The following SPATS2L variants were observed in gnomAD, a reference collection of about 807,000 sequenced individuals.
SPATS2L encodes the protein SPATS2-like protein.
In SPATS2L, 30 loss-of-function variants were observed where a neutral mutation model predicts 59.6. The observed-to-expected ratio is 0.50, with a 90% CI of 0.38 to 0.68. The LOEUF is 0.68. Ranked by LOEUF, SPATS2L falls within the 30% of genes least tolerant of loss-of-function variation. SPATS2L has a pLI of 0.00. For missense variants in SPATS2L, 615 were observed against 700.0 expected (o/e 0.88, Z 1.37); for synonymous variants, 252 against 263.5 (o/e 0.96, Z 0.42).
intron 3 of SPATS2L, among the ~76,000 whole-genome samples, chr2:200,407,459 A>G (rs1288508560): frequency 6.6e-6 from 1 of 152,154 alleles, no homozygotes; most frequent in Non-Finnish European, 1.5e-5. Context: ...TATTGTAGAC[A>G]TTTCTGGCTC....
At chr2:200,333,913 T>C (rs199904560) in intron 2 of SPATS2L, among the ~76,000 whole-genome samples, 9 of 151,846 alleles carry the variant, frequency 5.9e-5, no homozygotes, top group African/African-American at 1.9e-4. Context: ...TGTTGGACAT[T>C]TGGGTTGGTT....
intron 2 of SPATS2L, among the ~76,000 whole-genome samples, chr2:200,338,949 C>G (rs938092027): frequency 6.6e-6 from 1 of 152,184 alleles, no homozygotes; most frequent in Non-Finnish European, 1.5e-5. Context: ...AGCCAATGCC[C>G]TGCTGACTGT....
In SPATS2L at chr2:200,463,202, A is replaced by G. The variant is rs2086365460; in HGVS notation, c.847+3375A>G. The G allele has an allele frequency of 2.6e-5, 4 of 151,566 alleles. No individual in the cohort carries two copies. The South Asian group carries it at 8.4e-4, about 32-fold the overall frequency. The allele number at this position is 151,566 out of a possible 1,614,324, so 9.4% of individuals were successfully genotyped here. On this transcript the variant is annotated intron_variant, in intron 9 of 12. Transcript: ENST00000409140. ...AGAACCATGGAATTTCTCCCCACTA[A>G]CTACAGAACTGTCTTTACAACCACC...
intron 8 of SPATS2L, among the ~76,000 whole-genome samples, chr2:200,459,364 C>T (rs940395331): frequency 6.6e-6 from 1 of 152,182 alleles, no homozygotes; most frequent in Non-Finnish European, 1.5e-5. Flanking sequence ...GCCAGAATCT[C>T]TCAGGGTAGA....
intron 8 of SPATS2L, among the ~76,000 whole-genome samples, chr2:200,458,940 G>A (rs2086047835): frequency 6.6e-6 from 1 of 152,172 alleles, no homozygotes; most frequent in African/African-American, 2.4e-5. Context: ...CACCCACCCT[G>A]GGGATTTTCC....
At chr2:200,468,591 A>G (rs1008193824) in intron 10 of SPATS2L, among the ~76,000 whole-genome samples, 1 of 152,280 alleles carries the variant, frequency 6.6e-6, no homozygotes, top group South Asian at 2.1e-4. Flanking sequence ...TGAGGGCGTC[A>G]GTGGCCTTTC....
intron 6 of SPATS2L, among the ~76,000 whole-genome samples, chr2:200,427,458 A>G (rs1348476589): frequency 6.7e-6 from 1 of 149,492 alleles, no homozygotes. Context: ...TATTACATAC[A>G]TATACATATA....
intron 1 of SPATS2L, among the ~76,000 whole-genome samples, chr2:200,325,575 C>T (rs960588188): frequency 3.3e-5 from 5 of 152,068 alleles, no homozygotes. Flanking sequence ...GATGGGGTTT[C>T]ATCATGTTGG....
chr2:200,366,538 A>G (rs1194902668), intron 2 of SPATS2L, among the ~76,000 whole-genome samples: 4 of 152,250 alleles, frequency 2.6e-5, no homozygotes, highest in Middle Eastern at 6.3e-3. Flanking sequence ...AGCAGTATCA[A>G]ATAAGAAAAA....
At chr2:200,379,665 G>A (rs1433784516) in intron 2 of SPATS2L, among the ~76,000 whole-genome samples, 1 of 150,646 alleles carries the variant, frequency 6.6e-6, no homozygotes, top group Non-Finnish European at 1.5e-5. Context: ...ACCCCTCTGG[G>A]ATTTGGGATT....
chr2:200,413,383 C>T (rs1458109558), intron 4 of SPATS2L, among the ~76,000 whole-genome samples: 2 of 152,162 alleles, frequency 1.3e-5, no homozygotes, highest in Non-Finnish European at 2.9e-5. Flanking sequence ...TCTAAAGTCT[C>T]AGGAATACGT....
At position 200,382,513 on chromosome 2, in the gene SPATS2L, C is replaced by T. The variant is rs192546998; in HGVS notation, c.-22-6710C>T. Reference sequence around the variant, plus strand: ...CTGTCTGGCCTGAGAAGGCAGGTCCCGTGGAACGGTTTTATTCCCCTGGTG... The same window carrying T: ...CTGTCTGGCCTGAGAAGGCAGGTCCTGTGGAACGGTTTTATTCCCCTGGTG... On this transcript the variant is annotated intron_variant, in intron 2 of 12. Coordinates refer to ENST00000409140, the MANE Select transcript of SPATS2L (RefSeq NM_001100423.2). 7.9e-5 allele frequency among the ~76,000 whole-genome samples: 12 copies of T among 152,302 alleles called. No individual in the cohort carries two copies. The South Asian group carries it at 1.5e-3, about 18-fold the overall frequency.
chr2:200,403,652 T>C (rs566522578), intron 3 of SPATS2L, among the ~76,000 whole-genome samples: 1 of 152,294 alleles, frequency 6.6e-6, no homozygotes, highest in South Asian at 2.1e-4. Context: ...AGCCCCTATG[T>C]TTCTGAGCCC....
intron 3 of SPATS2L, among the ~76,000 whole-genome samples, chr2:200,401,539 C>T (rs2082529327): frequency 6.6e-6 from 1 of 152,120 alleles, no homozygotes; most frequent in African/African-American, 2.4e-5. Context: ...GTAGTGAGTA[C>T]ACTCAGGTAA....
chr2:200,344,405 C>CT (rs1209565724), intron 2 of SPATS2L, among the ~76,000 whole-genome samples: 1 of 152,076 alleles, frequency 6.6e-6, no homozygotes, highest in African/African-American at 2.4e-5. Context: ...TGATTTTGTT[C>CT]TTTTTTTATG....
intron 1 of SPATS2L, among the ~76,000 whole-genome samples, chr2:200,312,956 A>G (rs2079241996): frequency 6.6e-6 from 1 of 152,238 alleles, no homozygotes; most frequent in South Asian, 2.1e-4. Flanking sequence ...CATTTTATTT[A>G]AACCTCAAAG....
At chr2:200,453,553 C>T (rs1237268943) in intron 8 of SPATS2L, among the ~76,000 whole-genome samples, 1 of 152,204 alleles carries the variant, frequency 6.6e-6, no homozygotes, top group African/African-American at 2.4e-5. Flanking sequence ...GGAAGTTTTC[C>T]TGCCTTGCAA....
intron 1 of SPATS2L, among the ~76,000 whole-genome samples, chr2:200,314,722 A>T (rs762594387): frequency 4.3e-4 from 65 of 152,286 alleles, no homozygotes; most frequent in Non-Finnish European, 7.3e-4. Flanking sequence ...GAGATGATAG[A>T]CCTGCTGTTC....
intron 2 of SPATS2L, among the ~76,000 whole-genome samples, chr2:200,347,809 A>G (rs2080568794): frequency 1.3e-5 from 2 of 152,244 alleles, no homozygotes. Context: ...AGTTACGTGA[A>G]CAACAATTTA....
Sources: gnomAD v4.1 joint callset for allele counts (sites outside exome capture counted in the v4.1 genomes callset) on GRCh38, gnomAD v4.1.1 for gene constraint, MANE v1.5 for transcripts, NCBI Gene and HGNC (gene_info 2026-07-23, HGNC 2026-07-21) for gene names.